The following NECAB1 variants were observed in gnomAD, a reference collection of about 807,000 sequenced individuals.
NECAB1 encodes N-terminal EF-hand calcium-binding protein 1.
NECAB1 carries 29 observed loss-of-function variants against 57.5 expected under a neutral mutation model. The observed-to-expected ratio is 0.50, with a 90% CI of 0.38 to 0.69. The LOEUF (loss-of-function observed/expected upper bound fraction) is 0.69, where lower values mean the gene tolerates loss of function less well. Ranked by LOEUF, NECAB1 falls within the 30% of genes least tolerant of loss-of-function variation. The pLI is 0.00. For synonymous variants in NECAB1, 142 were observed against 147.7 expected, an observed-to-expected ratio of 0.96 and a Z score of 0.28; for missense variants, 372 against 413.8, an observed-to-expected ratio of 0.90 and a Z score of 0.88.
chr8:90,850,465 G>T (rs529987838), intron 3 of NECAB1, among the ~76,000 whole-genome samples: 13 of 152,320 alleles, frequency 8.5e-5, no homozygotes, highest in African/African-American at 3.1e-4. Context: ...TGTCAGAGAG[G>T]CCTGGGGAAC....
chr8:90,887,799 T>A (rs554084751), intron 5 of NECAB1, among the ~76,000 whole-genome samples: 2 of 152,264 alleles, frequency 1.3e-5, no homozygotes, highest in South Asian at 4.1e-4. Flanking sequence ...GATGGAGGGG[T>A]CAGGTCATGC....
Position 90,824,592 on chromosome 8 carries a change from G to A in NECAB1, c.125-125G>A, listed in dbSNP as rs537514169. On this transcript the variant is annotated intron_variant, in intron 2 of 12. Transcript: ENST00000417640. ...ATTATTTTTCTTTTTAACACCTTCA[G>A]CTGTTCTTTCTTTTTGAGTACACGT... 22 of 510,352 alleles carry A rather than the reference G, an allele frequency of 4.3e-5. No homozygotes were observed. In the South Asian group the frequency reaches 8.3e-4, roughly 19 times the overall value. 31.6% of individuals were successfully genotyped at this position (510,352 alleles called of 1,614,324 possible). A position where few individuals can be genotyped will look rare whatever the true frequency, so the allele number is the denominator to read the frequency against.
intron 9 of NECAB1, among the ~76,000 whole-genome samples, chr8:90,936,634 G>C (rs565502584): frequency 6.6e-6 from 1 of 152,270 alleles, no homozygotes; most frequent in African/African-American, 2.4e-5. Context: ...GTGGATGAAT[G>C]GATGATTGTT....
intron 6 of NECAB1, among the ~76,000 whole-genome samples, chr8:90,918,183 G>A (rs777698066): frequency 1.7e-4 from 26 of 150,772 alleles, no homozygotes; most frequent in Non-Finnish European, 3.5e-4. Flanking sequence ...CTAATTTATT[G>A]TATTTTTTAG....
intron 1 of NECAB1, among the ~76,000 whole-genome samples, chr8:90,796,046 A>G (rs936266088): frequency 2.6e-5 from 4 of 152,194 alleles, no homozygotes; most frequent in African/African-American, 9.7e-5. Context: ...TACATTAAAA[A>G]TTGTTTTCCC....
At chr8:90,800,512 T>C (rs936582746) in intron 1 of NECAB1, among the ~76,000 whole-genome samples, 3 of 152,194 alleles carry the variant, frequency 2.0e-5, no homozygotes, top group South Asian at 2.1e-4. Flanking sequence ...GCCTAGTTTG[T>C]TCAGAGTTTT....
intron 5 of NECAB1, among the ~76,000 whole-genome samples, chr8:90,881,547 A>C (rs968964806): frequency 1.3e-5 from 2 of 152,032 alleles, no homozygotes; most frequent in Admixed American, 6.6e-5. Flanking sequence ...TTATCATGCA[A>C]TCTGGTTGTT....
In NECAB1 at chr8:90,917,519, C is replaced by G; in HGVS notation, c.385C>G (p.Gln129Glu). The G allele has an allele frequency of 6.2e-7, 1 of 1,610,596 alleles. No individual in the cohort carries two copies. The highest frequency in any genetic ancestry group is 8.5e-7 in the Non-Finnish European group (1 of 1,177,880). The change falls in exon 6 of 13, where the codon CAA becomes GAA. Residue 129 changes from glutamine to glutamate, a missense_variant. Gln to Glu is a conservative substitution (Grantham distance 29). Transcript: ENST00000417640. ...KDYQEASNLEQFVTRFLLKET... is the reference protein window; with the variant it reads ...KDYQEASNLEEFVTRFLLKET... ...CTACCAAGAAGCCTCCAATTTGGAA[C>G]AATTCGTAACTAGATTTTTATTGAA...
chr8:90,861,567 G>T (rs190865803), intron 3 of NECAB1, among the ~76,000 whole-genome samples: 1 of 152,204 alleles, frequency 6.6e-6, no homozygotes, highest in Admixed American at 6.5e-5. Flanking sequence ...CAAATGACCA[G>T]GAGTCTCTTA....
intron 1 of NECAB1, 101 bp downstream of exon 1, chr8:90,792,086 C>T: frequency 3.3e-6 from 3 of 898,050 alleles, no homozygotes; most frequent in South Asian, 3.0e-5. Flanking sequence ...AATGCTTTGT[C>T]CCCAGAACAC....
At position 90,958,986 on chromosome 8, in the gene NECAB1, A is replaced by T. The variant is rs1811083604; in HGVS notation, c.*3474A>T. ...CCTCATTTGCAGATGTCCAAACTTA[A>T]ATTCATCTGTTCTTAAAATGCTACT... On this transcript the variant is annotated 3_prime_UTR_variant, in exon 13 of 13. Coordinates refer to ENST00000417640, the MANE Select transcript of NECAB1 (RefSeq NM_022351.5). 3 of 1,400,670 alleles carry T rather than the reference A, an allele frequency of 2.1e-6. No homozygotes were observed. The South Asian group carries it at 4.0e-5, about 19-fold the overall frequency. 86.8% of individuals were successfully genotyped at this position (1,400,670 alleles called of 1,614,324 possible).
intron 3 of NECAB1, among the ~76,000 whole-genome samples, chr8:90,849,267 A>G (rs999010717): frequency 2.0e-5 from 3 of 152,156 alleles, no homozygotes; most frequent in African/African-American, 7.2e-5. Context: ...CCATGAGTTC[A>G]AAACCAGACT....
At chr8:90,800,899 T>C (rs1811747278) in intron 1 of NECAB1, among the ~76,000 whole-genome samples, 1 of 152,116 alleles carries the variant, frequency 6.6e-6, no homozygotes, top group African/African-American at 2.4e-5. Context: ...GTAGGAAATG[T>C]AGGCTTTCCA....
chr8:90,891,411 T>C (rs929025196), intron 5 of NECAB1, among the ~76,000 whole-genome samples: 2 of 152,222 alleles, frequency 1.3e-5, no homozygotes, highest in East Asian at 1.9e-4. Flanking sequence ...GTAAGTTTCC[T>C]ACTTACATAA....
chr8:90,937,131 C>T (rs1416146734), intron 9 of NECAB1, among the ~76,000 whole-genome samples: 3 of 152,218 alleles, frequency 2.0e-5, no homozygotes, highest in Non-Finnish European at 2.9e-5. Flanking sequence ...CCAGGGCCAC[C>T]TCAAATCCTC....
chr8:90,909,729 A>G (rs1297917815), intron 5 of NECAB1, among the ~76,000 whole-genome samples: 1 of 152,108 alleles, frequency 6.6e-6, no homozygotes, highest in Non-Finnish European at 1.5e-5. Context: ...TCCATGCATG[A>G]AGAATTCTTG....
intron 5 of NECAB1, among the ~76,000 whole-genome samples, chr8:90,884,658 TA>T (rs1226897514): frequency 1.3e-5 from 2 of 152,160 alleles, no homozygotes; most frequent in African/African-American, 4.8e-5. Flanking sequence ...CTTAAGTATT[TA>T]AAAATAAAAT....
chr8:90,940,958 T>A, intron 10 of NECAB1, 60 bp downstream of exon 10: 1 of 1,261,654 alleles, frequency 7.9e-7, no homozygotes, highest in Non-Finnish European at 1.1e-6. Flanking sequence ...AGTGAAGGCA[T>A]TTCTTACTTT....
chr8:90,904,787 A>G lies in NECAB1; in HGVS notation c.358-12705A>G, dbSNP rs1033187036. 7.9e-5 allele frequency among the ~76,000 whole-genome samples: 12 copies of G among 152,192 alleles called. No homozygotes were observed. In the East Asian group the frequency reaches 2.3e-3, roughly 29 times the overall value. ...TTTATGATGGATCTGGCAAAAATGT[A>G]TAGAAATCTTACTTGTGAAAGAGCT... On this transcript the variant is annotated intron_variant, in intron 5 of 12. Coordinates refer to ENST00000417640, the MANE Select transcript of NECAB1 (RefSeq NM_022351.5).
Sources: allele counts gnomAD v4.1 joint callset (sites outside exome capture counted in the v4.1 genomes callset), GRCh38; gene constraint gnomAD v4.1.1; transcripts MANE v1.5; gene names NCBI Gene and HGNC (gene_info 2026-07-23, HGNC 2026-07-21).